The following RALYL variants were observed in gnomAD, a reference collection of about 807,000 sequenced individuals.
The protein encoded by RALYL is RNA-binding Raly-like protein.
A neutral mutation model predicts 35.1 loss-of-function variants in RALYL; 29 were observed. The ratio of observed to expected loss-of-function variants is 0.83; its 90% CI spans 0.61 to 1.13. The LOEUF (loss-of-function observed/expected upper bound fraction) is 1.13. RALYL is among the 50% of genes most tolerant of loss of function. RALYL has a pLI of 0.00. For missense variants in RALYL, 359 were observed against 360.4 expected, an observed-to-expected ratio of 1.00 and a Z score of 0.03; for synonymous variants, 120 against 127.6, an observed-to-expected ratio of 0.94 and a Z score of 0.40.
chr8:84,621,026 A>G (rs1164973082), intron 2 of RALYL, among the ~76,000 whole-genome samples: 1 of 152,188 alleles, frequency 6.6e-6, no homozygotes, highest in East Asian at 1.9e-4. Context: ...TTAAGTCTGC[A>G]GAGGTTACTG....
chr8:84,242,112 C>T (rs1382213983), intron 1 of RALYL, among the ~76,000 whole-genome samples: 1 of 152,178 alleles, frequency 6.6e-6, no homozygotes, highest in African/African-American at 2.4e-5. Context: ...GTTTGGATTT[C>T]TGTTTTTGCA....
intron 2 of RALYL, among the ~76,000 whole-genome samples, chr8:84,612,057 T>C (rs1219317763): frequency 2.0e-5 from 3 of 152,078 alleles, no homozygotes; most frequent in South Asian, 2.1e-4. Context: ...TTCATAGTAA[T>C]GGTATTAGCC....
chr8:84,730,581 G>C (rs1845971001), intron 2 of RALYL, among the ~76,000 whole-genome samples: 1 of 152,250 alleles, frequency 6.6e-6, no homozygotes, highest in Admixed American at 6.5e-5. Flanking sequence ...ATTAGGAAAA[G>C]AGGAAGTCAA....
chr8:84,185,649 T>C (rs573228360), intron 1 of RALYL, among the ~76,000 whole-genome samples: 201 of 152,214 alleles, frequency 1.3e-3, no homozygotes, highest in Non-Finnish European at 2.5e-3. Context: ...TCTTACCTTT[T>C]CCCCCCTTAA....
At chr8:84,233,585 C>G (rs914080048) in intron 1 of RALYL, among the ~76,000 whole-genome samples, 1 of 152,184 alleles carries the variant, frequency 6.6e-6, no homozygotes, top group Non-Finnish European at 1.5e-5. Context: ...AGTCACCACT[C>G]TGCCACCTCC....
chr8:84,415,205 G>GTTTTTTTTTTT (rs33962115), intron 1 of RALYL, among the ~76,000 whole-genome samples: 2 of 54,658 alleles, frequency 3.7e-5, no homozygotes, highest in East Asian at 4.8e-4. Flanking sequence ...GCAGACACTC[G>GTTTTTTTTTTT]TTTTTTTTTT....
chr8:84,320,064 G>A (rs919813571), intron 1 of RALYL, among the ~76,000 whole-genome samples: 2 of 151,910 alleles, frequency 1.3e-5, no homozygotes, highest in Non-Finnish European at 2.9e-5. Flanking sequence ...CTCCACGTTT[G>A]AATTCCAGTC....
At chr8:84,474,754 T>A (rs1157178817) in intron 1 of RALYL, among the ~76,000 whole-genome samples, 1 of 152,184 alleles carries the variant, frequency 6.6e-6, no homozygotes, top group Non-Finnish European at 1.5e-5. Flanking sequence ...TTTCAAACTA[T>A]CTGCATTTAT....
At chr8:84,881,999 TG>T (rs1842239761) in intron 7 of RALYL, among the ~76,000 whole-genome samples, 1 of 151,966 alleles carries the variant, frequency 6.6e-6, no homozygotes, top group Non-Finnish European at 1.5e-5. Context: ...AGTTTCCCCA[TG>T]TGTAAAATGA....
chr8:84,875,763 C>A (rs1841021099), intron 7 of RALYL, among the ~76,000 whole-genome samples: 1 of 152,080 alleles, frequency 6.6e-6, no homozygotes, highest in African/African-American at 2.4e-5. Flanking sequence ...CACTAAAACT[C>A]ATTTTAAAAT....
chr8:84,704,998 CAT>C (rs1840934046), intron 2 of RALYL, among the ~76,000 whole-genome samples: 3 of 152,258 alleles, frequency 2.0e-5, no homozygotes, highest in Non-Finnish European at 4.4e-5. Flanking sequence ...AGTCTTATGA[CAT>C]AGAAATTTTT....
chr8:84,700,761 T>C (rs533781306), intron 2 of RALYL, among the ~76,000 whole-genome samples: 4 of 152,196 alleles, frequency 2.6e-5, no homozygotes, highest in Non-Finnish European at 5.9e-5. Context: ...AGCACTTGAC[T>C]TGGGGCGAAT....
chr8:84,576,991 C>T (rs114893363), intron 2 of RALYL, among the ~76,000 whole-genome samples: 1 of 152,224 alleles, frequency 6.6e-6, no homozygotes, highest in African/African-American at 2.4e-5. Flanking sequence ...ATTCCACCAC[C>T]TTGACTGTCT....
At chr8:84,253,698 T>C (rs556290823) in intron 1 of RALYL, among the ~76,000 whole-genome samples, 1 of 152,222 alleles carries the variant, frequency 6.6e-6, no homozygotes, top group South Asian at 2.1e-4. Flanking sequence ...TGGATCTTGT[T>C]TTTGCATAGG....
chr8:84,871,900 G>T (rs1840259190), intron 6 of RALYL, among the ~76,000 whole-genome samples: 1 of 151,946 alleles, frequency 6.6e-6, no homozygotes, highest in African/African-American at 2.4e-5. Flanking sequence ...TCGACAAATA[G>T]TTCTATTTTA....
chr8:84,339,055 G>C (rs1848316354), intron 1 of RALYL, among the ~76,000 whole-genome samples: 1 of 152,110 alleles, frequency 6.6e-6, no homozygotes. Flanking sequence ...GCGCAGACAT[G>C]ATCTGACGAT....
chr8:84,685,661 C>T (rs141884308), intron 2 of RALYL, among the ~76,000 whole-genome samples: 2,078 of 152,166 alleles, frequency 0.014, 17 homozygotes, highest in Non-Finnish European at 0.021. Flanking sequence ...TGTAGAATTA[C>T]ACAATTTAAA....
intron 2 of RALYL, among the ~76,000 whole-genome samples, chr8:84,621,338 G>T (rs141565979): frequency 2.0e-5 from 3 of 152,252 alleles, no homozygotes; most frequent in Non-Finnish European, 4.4e-5. Context: ...CGCAGTATTC[G>T]GGTGGGAGCC....
chr8:84,448,955 T>G (rs1264040159), intron 1 of RALYL, among the ~76,000 whole-genome samples: 1 of 152,006 alleles, frequency 6.6e-6, no homozygotes, highest in East Asian at 1.9e-4. Flanking sequence ...ATAGGTAACT[T>G]TTATCCTCAG....
Sources: gnomAD v4.1 joint callset for allele counts (sites outside exome capture counted in the v4.1 genomes callset) on GRCh38, gnomAD v4.1.1 for gene constraint, MANE v1.5 for transcripts, NCBI Gene and HGNC (gene_info 2026-07-23, HGNC 2026-07-21) for gene names.